Variants in ARMC8 observed in about 807,000 individuals in gnomAD.
ARMC8 encodes the protein armadillo repeat containing 8.
ARMC8 carries 20 observed loss-of-function variants against 99.3 expected under a neutral mutation model. The ratio of observed to expected loss-of-function variants is 0.20; its 90% CI spans 0.14 to 0.29. ARMC8 has a LOEUF of 0.29. Ranked by LOEUF, ARMC8 falls within the 10% of genes least tolerant of loss-of-function variation. ARMC8 has a pLI of 1.00. For missense variants in ARMC8, 569 were observed against 809.5 expected, an observed-to-expected ratio of 0.70 and a Z score of 3.60; for synonymous variants, 263 against 278.3, an observed-to-expected ratio of 0.95 and a Z score of 0.55.
At chr3:138,256,440 C>CA (rs1373267196) in intron 12 of ARMC8, among the ~76,000 whole-genome samples, 3 of 119,850 alleles carry the variant, frequency 2.5e-5, no homozygotes, top group African/African-American at 1.0e-4. Context: ...GACGGAGTCT[C>CA]GCTCTTTTCG....
At chr3:138,291,219 A>C (rs1218021646) in intron 21 of ARMC8, among the ~76,000 whole-genome samples, 1 of 152,210 alleles carries the variant, frequency 6.6e-6, no homozygotes, top group Non-Finnish European at 1.5e-5. Flanking sequence ...CAAATCAGGG[A>C]ACATCAGTAC....
chr3:138,222,144 A>C (rs1011093637), intron 3 of ARMC8, 147 bp downstream of exon 3: 11 of 635,872 alleles, frequency 1.7e-5, no homozygotes, highest in Non-Finnish European at 2.7e-5. Flanking sequence ...AAGTATTTAA[A>C]CTATCTTTAA....
intron 1 of ARMC8, among the ~76,000 whole-genome samples, chr3:138,202,592 A>G (rs1187387464): frequency 1.3e-5 from 2 of 152,220 alleles, no homozygotes; most frequent in Non-Finnish European, 2.9e-5. Flanking sequence ...ACAGCCTGAG[A>G]CGTGATAACA....
At chr3:138,279,593 C>T (rs2108336037) in intron 18 of ARMC8, among the ~76,000 whole-genome samples, 1 of 152,158 alleles carries the variant, frequency 6.6e-6, no homozygotes. Context: ...CAATTTTCTG[C>T]AAAAATTTGT....
chr3:138,240,465 C>A (rs1157484598), intron 10 of ARMC8, among the ~76,000 whole-genome samples: 1 of 152,212 alleles, frequency 6.6e-6, no homozygotes, highest in Non-Finnish European at 1.5e-5. Flanking sequence ...CTCTAACCTT[C>A]CTCTTTTTCT....
chr3:138,205,762 G>A (rs1002501806), intron 1 of ARMC8, among the ~76,000 whole-genome samples: 1 of 152,124 alleles, frequency 6.6e-6, no homozygotes, highest in Non-Finnish European at 1.5e-5. Context: ...ACGAGGTTGA[G>A]ACCTTGTCTC....
At chr3:138,232,949 T>C (rs1429633082) in intron 6 of ARMC8, among the ~76,000 whole-genome samples, 2 of 152,196 alleles carry the variant, frequency 1.3e-5, no homozygotes, top group African/African-American at 4.8e-5. Flanking sequence ...TCAAAATTGA[T>C]AAGGAACTTA....
intron 1 of ARMC8, among the ~76,000 whole-genome samples, chr3:138,205,027 T>G (rs1015988719): frequency 2.0e-5 from 3 of 151,278 alleles, no homozygotes; most frequent in Non-Finnish European, 4.4e-5. Flanking sequence ...CTCATCTCAT[T>G]AACTAGCAAC....
Position 138,269,741 on chromosome 3 carries a change from A to G in ARMC8, c.1387-299A>G, listed in dbSNP as rs138884686. Among the ~76,000 whole-genome samples, 34 of 152,136 alleles carry G rather than the reference A, an allele frequency of 2.2e-4. No individual in the cohort carries two copies. The East Asian group carries it at 4.3e-3, about 19-fold the overall frequency. ...ATAAGGGTCTGTGTGAAATGTACAGATAACTAGAATGTCTCCTGAATCCTC... is the reference window on the plus strand; with the variant it reads ...ATAAGGGTCTGTGTGAAATGTACAGGTAACTAGAATGTCTCCTGAATCCTC... On this transcript the variant is annotated intron_variant, in intron 15 of 21. Transcript: ENST00000469044.
At chr3:138,237,123 A>G (rs1207608374) in intron 7 of ARMC8, among the ~76,000 whole-genome samples, 186 bp from the exon 8 acceptor site, 1 of 152,100 alleles carries the variant, frequency 6.6e-6, no homozygotes, top group African/African-American at 2.4e-5. Flanking sequence ...AATTAGTTCT[A>G]ACTTTTATAG....
intron 2 of ARMC8, among the ~76,000 whole-genome samples, chr3:138,214,209 T>C (rs2044874410): frequency 6.6e-6 from 1 of 151,886 alleles, no homozygotes; most frequent in Non-Finnish European, 1.5e-5. Context: ...CCTTTGTTGA[T>C]ATTGCTATGT....
At chr3:138,271,197 C>T (rs1288046781) in intron 16 of ARMC8, among the ~76,000 whole-genome samples, 4 of 152,148 alleles carry the variant, frequency 2.6e-5, no homozygotes, top group Non-Finnish European at 5.9e-5. Flanking sequence ...TATTTTTCTC[C>T]TGAACTTTGC....
At chr3:138,255,464 A>G (rs1213988953) in intron 12 of ARMC8, among the ~76,000 whole-genome samples, 1 of 152,024 alleles carries the variant, frequency 6.6e-6, no homozygotes, top group Non-Finnish European at 1.5e-5. Flanking sequence ...GGCCTCCCAA[A>G]GTGCTGGGAT....
At chr3:138,264,331 C>T (rs1459693690) in intron 14 of ARMC8, 119 bp downstream of exon 14, 17 of 640,614 alleles carry the variant, frequency 2.7e-5, no homozygotes, top group Admixed American at 8.1e-5. Context: ...GCATTTTGAA[C>T]GTTTATCTCC....
chr3:138,261,379 A>G (rs188746089), intron 12 of ARMC8: 308 of 152,278 alleles, frequency 2.0e-3, no homozygotes, highest in Non-Finnish European at 3.0e-3. Flanking sequence ...GACACAGAGA[A>G]CAAGCAGGTT....
At chr3:138,267,329 G>T in intron 15 of ARMC8, 88 bp downstream of exon 15, 1 of 765,394 alleles carries the variant, frequency 1.3e-6, no homozygotes, top group African/African-American at 1.8e-5. Flanking sequence ...ATTGAAATCT[G>T]TGGGTTGGGT....
At chr3:138,197,436 CTAAG>C (rs1423434525) in intron 1 of ARMC8, among the ~76,000 whole-genome samples, 2 of 152,180 alleles carry the variant, frequency 1.3e-5, no homozygotes, top group African/African-American at 4.8e-5. Context: ...CCCAGGATCT[CTAAG>C]TAATTACATG....
rs550824184 is a variant in ARMC8 at position 138,207,414 on chromosome 3, A to G, written c.46-2403A>G. Among the ~76,000 whole-genome samples, 12 of 152,344 alleles carry G rather than the reference A, an allele frequency of 7.9e-5. No individual in the cohort carries two copies. The South Asian group carries it at 1.7e-3, about 21-fold the overall frequency. On this transcript the variant is annotated intron_variant, in intron 1 of 21. Transcript: ENST00000469044. ...TTTAATGCTTTCCTCAGTGCATGTT[A>G]TATTGAATGAACCAGGCACAGAGCA...
chr3:138,232,311 C>G (rs1371929732), intron 6 of ARMC8, among the ~76,000 whole-genome samples: 1 of 151,996 alleles, frequency 6.6e-6, no homozygotes. Context: ...TGTGTACAAC[C>G]TCAGAGAGGA....
Sources: gnomAD v4.1 joint callset for allele counts (sites outside exome capture counted in the v4.1 genomes callset) on GRCh38, gnomAD v4.1.1 for gene constraint, MANE v1.5 for transcripts, NCBI Gene and HGNC (gene_info 2026-07-23, HGNC 2026-07-21) for gene names.